The following MAST4 variants were observed in gnomAD, a reference collection of about 807,000 sequenced individuals.
MAST4 encodes the protein microtubule associated serine/threonine kinase family member 4.
In MAST4, 89 loss-of-function variants were observed where a neutral mutation model predicts 162.7. The ratio of observed to expected loss-of-function variants is 0.55; its 90% CI spans 0.46 to 0.65. The LOEUF (loss-of-function observed/expected upper bound fraction) is 0.65. Ranked by LOEUF, MAST4 falls within the 30% of genes least tolerant of loss-of-function variation. The pLI, the probability that MAST4 is intolerant of heterozygous loss-of-function variation, is 0.00. For missense variants in MAST4, 3,153 were observed against 3,374.0 expected, an observed-to-expected ratio of 0.93 and a Z score of 1.62; for synonymous variants, 1,479 against 1,361.1, an observed-to-expected ratio of 1.09 and a Z score of -1.91.
At chr5:66,686,664 C>T (rs576082090) in intron 1 of MAST4, among the ~76,000 whole-genome samples, 1 of 152,286 alleles carries the variant, frequency 6.6e-6, no homozygotes, top group African/African-American at 2.4e-5. Flanking sequence ...CCATAACCAG[C>T]TCTTCCCCTG....
chr5:66,675,209 G>C (rs1404060462), intron 1 of MAST4, among the ~76,000 whole-genome samples: 1 of 152,194 alleles, frequency 6.6e-6, no homozygotes, highest in Non-Finnish European at 1.5e-5. Context: ...GACTGTACAT[G>C]TGTTTAGCTT....
chr5:66,725,223 CT>C (rs560345579), intron 1 of MAST4, among the ~76,000 whole-genome samples: 85 of 151,716 alleles, frequency 5.6e-4, no homozygotes, highest in African/African-American at 1.9e-3. Flanking sequence ...TGGCTTTATG[CT>C]TTTTTTCTAA....
At chr5:66,864,953 A>G (rs1451457127) in intron 3 of MAST4, among the ~76,000 whole-genome samples, 3 of 150,020 alleles carry the variant, frequency 2.0e-5, no homozygotes, top group African/African-American at 7.4e-5. Flanking sequence ...GTAATATATT[A>G]TGAAGTTAAA....
intron 1 of MAST4, among the ~76,000 whole-genome samples, chr5:66,608,183 G>T (rs113922945): frequency 6.7e-6 from 1 of 150,312 alleles, no homozygotes; most frequent in Admixed American, 6.7e-5. Flanking sequence ...TCAGCCTCCC[G>T]AGTAGCTGGG....
intron 3 of MAST4, among the ~76,000 whole-genome samples, chr5:66,811,825 T>A (rs977592864): frequency 1.4e-5 from 2 of 140,692 alleles, no homozygotes; most frequent in Admixed American, 1.4e-4. Flanking sequence ...TTGGATGCTT[T>A]CCTCAGAAAA....
intron 4 of MAST4, among the ~76,000 whole-genome samples, chr5:66,921,449 ATAG>A (rs1407302003): frequency 4.6e-5 from 7 of 152,266 alleles, no homozygotes; most frequent in Admixed American, 2.6e-4. Context: ...AGATGAAAAA[ATAG>A]TACAACTAAA....
intron 3 of MAST4, among the ~76,000 whole-genome samples, chr5:66,891,953 T>C (rs1762390577): frequency 6.6e-6 from 1 of 152,242 alleles, no homozygotes. Context: ...CCAGGCTTTC[T>C]TGTCTGCTAC....
At position 67,166,728 on chromosome 5, in the gene MAST4, AAG is replaced by A; in HGVS notation, c.7552_7553del (p.Ser2518Ter). On this transcript the variant is annotated frameshift_variant, in exon 29 of 29. Coordinates refer to ENST00000403625, the MANE Select transcript of MAST4 (RefSeq NM_001164664.2). LOFTEE classifies it low-confidence loss of function (END_TRUNC). ...PAGEGRTHMT[K>X]SDSLPSFRVS... The stretch of plus-strand genomic sequence containing the variant: ...CGGGGAGGGCCGAACCCACATGACA[AAG>A]AGTGACTCCCTGCCCTCCTTCCGGG... The A allele has an allele frequency of 6.3e-7, 1 of 1,590,354 alleles. No individual in the cohort carries two copies.
At chr5:66,832,034 C>A (rs1016704329) in intron 3 of MAST4, among the ~76,000 whole-genome samples, 1 of 152,074 alleles carries the variant, frequency 6.6e-6, no homozygotes, top group African/African-American at 2.4e-5. Flanking sequence ...GTATCCCTAT[C>A]CCTAATGTGA....
chr5:66,606,115 TTTC>T (rs1382811988), intron 1 of MAST4, among the ~76,000 whole-genome samples: 12 of 152,246 alleles, frequency 7.9e-5, no homozygotes, highest in Non-Finnish European at 1.5e-4. Flanking sequence ...TGCTTCTTTT[TTTC>T]TTCTTCTCTA....
chr5:67,010,531 C>G (rs1042303737), intron 4 of MAST4, among the ~76,000 whole-genome samples: 2 of 152,138 alleles, frequency 1.3e-5, no homozygotes, highest in Admixed American at 6.5e-5. Flanking sequence ...GGCACTCAGG[C>G]AGGCTGTGCC....
chr5:66,848,142 AT>A (rs1297789889), intron 3 of MAST4, among the ~76,000 whole-genome samples: 3 of 152,040 alleles, frequency 2.0e-5, no homozygotes, highest in African/African-American at 7.2e-5. Context: ...TTTGCTTAAG[AT>A]TTTTTTCTTT....
chr5:66,655,456 A>T (rs1005035238), intron 1 of MAST4, among the ~76,000 whole-genome samples: 20 of 152,226 alleles, frequency 1.3e-4, no homozygotes, highest in African/African-American at 4.8e-4. Context: ...TAGGAAGAAC[A>T]GTAATCTGGA....
At chr5:66,917,549 C>G (rs1468873623) in intron 4 of MAST4, among the ~76,000 whole-genome samples, 4 of 150,796 alleles carry the variant, frequency 2.7e-5, no homozygotes, top group African/African-American at 4.9e-5. Flanking sequence ...AACATTCAAT[C>G]TTCAACTTAA....
chr5:67,159,555 T>G (rs963373870), intron 26 of MAST4, among the ~76,000 whole-genome samples: 3 of 152,244 alleles, frequency 2.0e-5, no homozygotes, highest in Non-Finnish European at 4.4e-5. Flanking sequence ...AAAGATCCTT[T>G]TCCTTGTACC....
chr5:66,758,364 A>T (rs1011897357), intron 1 of MAST4, among the ~76,000 whole-genome samples: 3 of 151,616 alleles, frequency 2.0e-5, no homozygotes, highest in African/African-American at 7.2e-5. Flanking sequence ...TAATAGTTTT[A>T]TAGAACTATT....
At chr5:67,043,995 C>A (rs1757075767) in intron 4 of MAST4, among the ~76,000 whole-genome samples, 1 of 152,268 alleles carries the variant, frequency 6.6e-6, no homozygotes, top group South Asian at 2.1e-4. Flanking sequence ...ACTTTGATAA[C>A]CCAGCTCTAG....
chr5:66,979,394 A>C (rs754873556), intron 4 of MAST4, among the ~76,000 whole-genome samples: 1 of 152,082 alleles, frequency 6.6e-6, no homozygotes, highest in Non-Finnish European at 1.5e-5. Flanking sequence ...AAAAATAGTC[A>C]TTAGTTTGGG....
chr5:67,100,407 T>C lies in MAST4; in HGVS notation c.913-28T>C. 3.1e-6 allele frequency: 5 copies of C among 1,612,888 alleles called. No homozygotes were observed. The South Asian group carries it at 5.5e-5, about 18-fold the overall frequency. On this transcript the variant is annotated intron_variant, in intron 7 of 28. Coordinates refer to ENST00000403625, the MANE Select transcript of MAST4 (RefSeq NM_001164664.2). ...TTGAAGAGTTTCTTTCTGAGGTAGT[T>C]ATGTGACCTCACTTTGGTTTTTTTC...
Sources: allele counts gnomAD v4.1 joint callset (sites outside exome capture counted in the v4.1 genomes callset), GRCh38; gene constraint gnomAD v4.1.1; transcripts MANE v1.5; gene names NCBI Gene and HGNC (gene_info 2026-07-23, HGNC 2026-07-21).